The following IMMT variants were observed in gnomAD, a reference collection of about 807,000 sequenced individuals.
The protein encoded by IMMT is inner membrane mitochondrial protein, also known as MICOS complex subunit MIC60.
IMMT carries 40 observed loss-of-function variants against 92.7 expected under a neutral mutation model. The ratio of observed to expected loss-of-function variants is 0.43; its 90% CI spans 0.34 to 0.56. The LOEUF (loss-of-function observed/expected upper bound fraction) is 0.56. Ranked by LOEUF, IMMT falls within the 20% of genes least tolerant of loss-of-function variation. IMMT has a pLI of 0.03. For synonymous variants in IMMT, 322 were observed against 336.1 expected, an observed-to-expected ratio of 0.96 and a Z score of 0.46; for missense variants, 831 against 912.1, an observed-to-expected ratio of 0.91 and a Z score of 1.14.
chr2:86,173,912 G>A lies in IMMT; in HGVS notation c.310-151C>T. On this transcript the variant is annotated intron_variant, in intron 3 of 14. Coordinates refer to ENST00000410111, the MANE Select transcript of IMMT (RefSeq NM_006839.3). ...CATATGTATTTTATTAAACATAGTT[G>A]AGAGAAACCACCATTACTAGAAAAG... 1.1e-5 allele frequency: 6 copies of A among 556,564 alleles called. No individual in the cohort carries two copies. In the South Asian group the frequency reaches 1.3e-4, roughly 12 times the overall value. The allele number at this position is 556,564 out of a possible 1,614,324, so 34.5% of individuals were successfully genotyped here. A position where few individuals can be genotyped will look rare whatever the true frequency, so the allele number is the denominator to read the frequency against.
At chr2:86,162,120 T>TATTG (rs1676327251) in intron 7 of IMMT, 41 bp from the exon 8 acceptor site, 2 of 1,248,850 alleles carry the variant, frequency 1.6e-6, no homozygotes, top group Non-Finnish European at 2.2e-6. Context: ...TAACTGCTAT[T>TATTG]ATTGTCATAT....
intron 1 of IMMT, among the ~76,000 whole-genome samples, chr2:86,193,312 T>A (rs1461015988): frequency 6.7e-6 from 1 of 150,064 alleles, no homozygotes; most frequent in Non-Finnish European, 1.5e-5. Context: ...GAGGCTGAGG[T>A]AAGAGGATTG....
At chr2:86,152,457 A>AAAAAAAAAAAAAAAAAAAAAG (rs1242798734) in intron 11 of IMMT, among the ~76,000 whole-genome samples, 1 of 149,710 alleles carries the variant, frequency 6.7e-6, no homozygotes. Context: ...AAAAAAAAAA[A>AAAAAAAAAAAAAAAAAAAAAG]AGAGAGAATT....
chr2:86,167,077 G>A lies in IMMT; in HGVS notation c.656-433C>T, dbSNP rs1281067282. Among the ~76,000 whole-genome samples, 8 of 144,286 alleles carry A rather than the reference G, an allele frequency of 5.5e-5. No individual in the cohort carries two copies. In the South Asian group the frequency reaches 8.9e-4, roughly 16 times the overall value. The allele number at this position is 144,286 out of a possible 152,430, so 94.7% of individuals were successfully genotyped here. ...CATGCCACTGCACTCTAGCCTGGGC[G>A]ACAGAGCGAGACTCTCTCAAAAAAA... On this transcript the variant is annotated intron_variant, in intron 6 of 14. Transcript: ENST00000410111.
intron 12 of IMMT, among the ~76,000 whole-genome samples, 199 bp from the exon 13 acceptor site, chr2:86,148,032 A>G (rs554150575): frequency 6.6e-6 from 1 of 152,362 alleles, no homozygotes; most frequent in South Asian, 2.1e-4. Flanking sequence ...AAGATCACAC[A>G]GCTGTGGCAA....
intron 13 of IMMT, 148 bp downstream of exon 13, chr2:86,147,554 G>T: frequency 1.6e-6 from 1 of 626,910 alleles, no homozygotes; most frequent in South Asian, 2.4e-5. Flanking sequence ...GAACACACAG[G>T]TACACCATTA....
intron 12 of IMMT, among the ~76,000 whole-genome samples, chr2:86,148,102 C>G (rs1160439531): frequency 6.6e-6 from 1 of 152,186 alleles, no homozygotes; most frequent in Non-Finnish European, 1.5e-5. Context: ...TCCACATCAC[C>G]AGGCTGCCTC....
chr2:86,166,991 G>C (rs187176512), intron 6 of IMMT, among the ~76,000 whole-genome samples: 234 of 151,278 alleles, frequency 1.5e-3, no homozygotes, highest in African/African-American at 5.4e-3. Flanking sequence ...CCAGCTACCT[G>C]GGAGGCTGAG....
chr2:86,185,323 G>A (rs567760792), intron 1 of IMMT, among the ~76,000 whole-genome samples: 2 of 152,222 alleles, frequency 1.3e-5, no homozygotes, highest in South Asian at 4.1e-4. Context: ...AAATATAAAA[G>A]AGTCAGGATT....
intron 12 of IMMT, among the ~76,000 whole-genome samples, chr2:86,150,372 C>T (rs1393700211): frequency 6.6e-6 from 1 of 152,146 alleles, no homozygotes; most frequent in Admixed American, 6.6e-5. Flanking sequence ...GCCAGGTATG[C>T]CACCATTTGA....
chr2:86,152,478 C>T (rs1025845931), intron 11 of IMMT, among the ~76,000 whole-genome samples: 1 of 148,934 alleles, frequency 6.7e-6, no homozygotes, highest in Non-Finnish European at 1.5e-5. Flanking sequence ...ATGGCTCCAC[C>T]GGCCAGACAC....
At chr2:86,144,910 AT>A in intron 14 of IMMT, 29 bp from the exon 15 acceptor site, 1 of 1,555,628 alleles carries the variant, frequency 6.4e-7, no homozygotes. Flanking sequence ...AAAGCCAAAC[AT>A]TTTTCTCTCC....
At chr2:86,162,361 T>C (rs1573904127) in intron 7 of IMMT, among the ~76,000 whole-genome samples, 1 of 148,378 alleles carries the variant, frequency 6.7e-6, no homozygotes, top group Non-Finnish European at 1.5e-5. Flanking sequence ...TTTTTTAAGA[T>C]TCTCAAAAGG....
intron 11 of IMMT, 29 bp downstream of exon 11, chr2:86,153,531 T>G (rs754250576): frequency 1.5e-6 from 2 of 1,373,824 alleles, no homozygotes; most frequent in Admixed American, 2.8e-5. Flanking sequence ...AACAAAAGAC[T>G]TTAAACATGA....
At chr2:86,164,174 CA>C (rs892409007) in intron 7 of IMMT, among the ~76,000 whole-genome samples, 166 of 145,848 alleles carry the variant, frequency 1.1e-3, no homozygotes, top group African/African-American at 4.0e-3. Context: ...TCTCCTGCGT[CA>C]GTCTCCCGAG....
intron 3 of IMMT, among the ~76,000 whole-genome samples, chr2:86,177,429 C>A (rs916043242): frequency 1.3e-5 from 2 of 151,712 alleles, no homozygotes; most frequent in Non-Finnish European, 2.9e-5. Flanking sequence ...ATGGTGAAAC[C>A]CCATCTCTAC....
chr2:86,157,312 A>G (rs972125314), intron 10 of IMMT, among the ~76,000 whole-genome samples: 1 of 152,190 alleles, frequency 6.6e-6, no homozygotes, highest in African/African-American at 2.4e-5. Context: ...CCTTAACTCC[A>G]CTTCTTGACA....
intron 1 of IMMT, among the ~76,000 whole-genome samples, chr2:86,185,955 C>G (rs1672741074): frequency 6.6e-6 from 1 of 152,150 alleles, no homozygotes; most frequent in South Asian, 2.1e-4. Flanking sequence ...ATAGGGCCAG[C>G]TGAATTTTAC....
At chr2:86,167,899 T>C (rs112280980) in intron 6 of IMMT, among the ~76,000 whole-genome samples, 1,875 of 152,180 alleles carry the variant, frequency 0.012, 14 homozygotes, top group Non-Finnish European at 0.018. Flanking sequence ...TAGGACACTA[T>C]AGCCCCTTTT....
Sources: allele counts gnomAD v4.1 joint callset (sites outside exome capture counted in the v4.1 genomes callset), GRCh38; gene constraint gnomAD v4.1.1; transcripts MANE v1.5; gene names NCBI Gene and HGNC (gene_info 2026-07-23, HGNC 2026-07-21).